The following HEMK2 variants were observed in gnomAD, a reference collection of about 807,000 sequenced individuals.
The protein encoded by HEMK2 is methyltransferase HEMK2.
the HEMK2 span, among the ~76,000 whole-genome samples, chr21:28,815,523 C>A: frequency 6.6e-6 from 1 of 151,880 alleles, no homozygotes. Context: ...GCTCCATGGC[C>A]CCCAAAACAC....
the HEMK2 span, among the ~76,000 whole-genome samples, chr21:28,807,916 A>C: frequency 5.1e-4 from 77 of 152,236 alleles, no homozygotes; most frequent in African/African-American, 1.6e-3. Flanking sequence ...TGTGTTCTTA[A>C]TTACAGGAGG....
chr21:28,841,248 A>T, the HEMK2 span, among the ~76,000 whole-genome samples: 12 of 4,160 alleles, frequency 2.9e-3, no homozygotes, highest in Non-Finnish European at 3.6e-3. Context: ...TTATATATAT[A>T]ATATATTATA....
chr21:28,812,509 C>T, the HEMK2 span, among the ~76,000 whole-genome samples: 3 of 152,220 alleles, frequency 2.0e-5, no homozygotes, highest in African/African-American at 7.2e-5. Flanking sequence ...TGGTGGATAA[C>T]CTTTTTGATG....
the HEMK2 span, among the ~76,000 whole-genome samples, chr21:28,880,258 A>C: frequency 6.6e-6 from 1 of 152,216 alleles, no homozygotes; most frequent in African/African-American, 2.4e-5. Context: ...CTAATTCTGT[A>C]TAATCTGTAT....
chr21:28,830,077 G>C, the HEMK2 span, among the ~76,000 whole-genome samples: 1 of 152,152 alleles, frequency 6.6e-6, no homozygotes, highest in African/African-American at 2.4e-5. Context: ...TCCAGGCTGA[G>C]AGTATATCTT....
At chr21:28,830,615 C>A in the HEMK2 span, among the ~76,000 whole-genome samples, 1 of 152,182 alleles carries the variant, frequency 6.6e-6, no homozygotes, top group African/African-American at 2.4e-5. Flanking sequence ...GCGTGGCTCA[C>A]GCCTGTAATC....
At chr21:28,593,954 C>T in the HEMK2 span, among the ~76,000 whole-genome samples, 5 of 152,192 alleles carry the variant, frequency 3.3e-5, no homozygotes, top group Admixed American at 1.3e-4. Context: ...CAACTTTCAA[C>T]AGCAAAATTT....
chr21:28,628,000 T>A, the HEMK2 span, among the ~76,000 whole-genome samples: 1 of 152,132 alleles, frequency 6.6e-6, no homozygotes, highest in Non-Finnish European at 1.5e-5. Context: ...GAAAATTCTG[T>A]AACAGGGCTC....
the HEMK2 span, among the ~76,000 whole-genome samples, chr21:28,647,508 C>A: frequency 3.8e-4 from 43 of 111,856 alleles, no homozygotes; most frequent in South Asian, 1.0e-3. Context: ...AACTCCATCT[C>A]AAAAAAAAAA....
chr21:28,800,883 T>C, the HEMK2 span, among the ~76,000 whole-genome samples: 1 of 152,192 alleles, frequency 6.6e-6, no homozygotes, highest in South Asian at 2.1e-4. Flanking sequence ...GTCTCCTAAA[T>C]AAAATGACCT....
chr21:28,802,183 T>G, the HEMK2 span, among the ~76,000 whole-genome samples: 2 of 152,324 alleles, frequency 1.3e-5, no homozygotes, highest in Middle Eastern at 6.8e-3. Context: ...AATGACTTTC[T>G]ATACAGCTTG....
At chr21:28,879,062 TATC>T in the HEMK2 span, among the ~76,000 whole-genome samples, 41 of 146,712 alleles carry the variant, frequency 2.8e-4, no homozygotes, top group African/African-American at 9.6e-4. Flanking sequence ...TTTAGATCCT[TATC>T]ATTGTAGATT....
chr21:28,750,975 A>G, the HEMK2 span, among the ~76,000 whole-genome samples: 4 of 152,180 alleles, frequency 2.6e-5, no homozygotes, highest in Admixed American at 6.5e-5. Flanking sequence ...TCACGCCTGT[A>G]ATCTCAGCAC....
the HEMK2 span, among the ~76,000 whole-genome samples, chr21:28,649,369 C>T: frequency 6.6e-6 from 1 of 152,252 alleles, no homozygotes; most frequent in East Asian, 1.9e-4. Context: ...ATAGGGTACA[C>T]TAAAGAATCA....
chr21:28,672,326 A>G, the HEMK2 span, among the ~76,000 whole-genome samples: 1 of 152,094 alleles, frequency 6.6e-6, no homozygotes, highest in African/African-American at 2.4e-5. Context: ...TGGGTGTTAA[A>G]TTTCCACTGG....
chr21:28,659,177 T>C, the HEMK2 span, among the ~76,000 whole-genome samples: 2 of 152,130 alleles, frequency 1.3e-5, no homozygotes, highest in African/African-American at 2.4e-5. Context: ...GTTTCTGATA[T>C]ACATTTTCCT....
the HEMK2 span, chr21:28,882,082 C>G: frequency 4.4e-6 from 5 of 1,130,540 alleles, no homozygotes; most frequent in African/African-American, 6.5e-5. Flanking sequence ...AAGTTAATTA[C>G]TTACCAAAGT....
chr21:28,704,137 G>A, the HEMK2 span, among the ~76,000 whole-genome samples: 193 of 152,226 alleles, frequency 1.3e-3, no homozygotes, highest in Non-Finnish European at 2.0e-3. Flanking sequence ...GCACCTTCTC[G>A]TGCCTTGAAA....
At chr21:28,691,556 T>C in the HEMK2 span, among the ~76,000 whole-genome samples, 7 of 152,104 alleles carry the variant, frequency 4.6e-5, no homozygotes, top group African/African-American at 1.7e-4. Context: ...GTTGATCTTA[T>C]ACATATACTG....
Sources: gnomAD v4.1 joint callset for allele counts (sites outside exome capture counted in the v4.1 genomes callset) on GRCh38, gnomAD v4.1.1 for gene constraint, MANE v1.5 for transcripts, NCBI Gene and HGNC (gene_info 2026-07-23, HGNC 2026-07-21) for gene names.